OR4E2: variants seen among roughly 807,000 people sequenced by gnomAD.
OR4E2 encodes olfactory receptor 4E2.
In OR4E2, 9 loss-of-function variants were observed where a neutral mutation model predicts 11.0. The observed-to-expected ratio is 0.82, with a 90% confidence interval of 0.49 to 1.43. OR4E2 has a LOEUF of 1.43. Among genes scored for constraint, OR4E2 ranks in the 40% most tolerant of loss-of-function variants. OR4E2 has a pLI of 0.00. For synonymous variants in OR4E2, 159 were observed against 147.3 expected (o/e 1.08, Z -0.57); for missense variants, 441 against 382.0 (o/e 1.15, Z -1.29).
chr14:21,656,938 G>A (rs1414547418), intron 2 of OR4E2, among the ~76,000 whole-genome samples: 1 of 152,034 alleles, frequency 6.6e-6, no homozygotes, highest in African/African-American at 2.4e-5. Context: ...CCTAGTTATC[G>A]AACACTCCGT....
At chr14:21,655,964 A>G (rs1879917870) in intron 1 of OR4E2, among the ~76,000 whole-genome samples, 1 of 152,010 alleles carries the variant, frequency 6.6e-6, no homozygotes, top group Admixed American at 6.6e-5. Context: ...AGGATTAAAA[A>G]AAACCAAGGA....
Position 21,665,964 on chromosome 14 carries a change from A to G in OR4E2, c.882A>G (p.Val294=), listed in dbSNP as rs776017464. 8.7e-6 allele frequency: 14 copies of G among 1,614,018 alleles called. No individual in the cohort carries two copies. The East Asian group carries it at 1.8e-4, about 21-fold the overall frequency. ...PFIYTLRNEE[V]KSAMKQLRQR... Reference sequence around the variant, plus strand: ...TTTACACCTTGAGGAATGAGGAGGTAAAAAGTGCCATGAAGCAGCTCAGGC... The same window carrying G: ...TTTACACCTTGAGGAATGAGGAGGTGAAAAGTGCCATGAAGCAGCTCAGGC... The change falls in exon 4 of 4, where the codon GTA becomes GTG. Residue 294 remains valine (V), a synonymous_variant. Coordinates refer to ENST00000641524, the MANE Select transcript of OR4E2 (RefSeq NM_001001912.3).
intron 3 of OR4E2, among the ~76,000 whole-genome samples, chr14:21,664,423 C>T (rs977262793): frequency 6.6e-6 from 1 of 152,090 alleles, no homozygotes; most frequent in African/African-American, 2.4e-5. Flanking sequence ...GTTCTTTGCC[C>T]ATTTTTAATG....
At chr14:21,657,343 T>C (rs1456854880) in intron 2 of OR4E2, among the ~76,000 whole-genome samples, 1 of 123,584 alleles carries the variant, frequency 8.1e-6, no homozygotes, top group Non-Finnish European at 1.7e-5. Flanking sequence ...AAATGCTTCC[T>C]TCCTTCCTTC....
At position 21,665,256 on chromosome 14, in the gene OR4E2, C is replaced by T. The variant is rs766729701; in HGVS notation, c.174C>T (p.Pro58=). The T allele has an allele frequency of 1.2e-6, 2 of 1,614,150 alleles. No homozygotes were observed. The highest frequency in any genetic ancestry group is 1.7e-6 in the Non-Finnish European group (2 of 1,180,004). Residue 58 remains proline (P), a synonymous_variant, in exon 4 of 4, where the codon CCC becomes CCT. Coordinates refer to ENST00000641524, the MANE Select transcript of OR4E2 (RefSeq NM_001001912.3). The part of the protein sequence containing the change: ...ATVFTPSLHT[P]MYFFLSNLSF... ...TCTTTACTCCAAGTCTCCATACCCCCATGTATTTCTTCCTGAGCAATCTGT... is the reference window on the plus strand; with the variant it reads ...TCTTTACTCCAAGTCTCCATACCCCTATGTATTTCTTCCTGAGCAATCTGT...
At position 21,665,664 on chromosome 14, in the gene OR4E2, C is replaced by T. The variant is rs1880604634; in HGVS notation, c.582C>T (p.Leu194=). Residue 194 remains leucine, a synonymous_variant, in exon 4 of 4, where the codon CTC becomes CTT. Coordinates refer to ENST00000641524, the MANE Select transcript of OR4E2 (RefSeq NM_001001912.3). ...AGCTGGCCTGCACAGATACATACCTCACAGGAATACTGATTGTGACCAATA... is the reference window on the plus strand; with the variant it reads ...AGCTGGCCTGCACAGATACATACCTTACAGGAATACTGATTGTGACCAATA... The part of the protein sequence containing the change: ...VIKLACTDTY[L]TGILIVTNSG... 6.2e-7 allele frequency: 1 copy of T among 1,614,062 alleles called. No individual in the cohort carries two copies.
Position 21,665,870 on chromosome 14 carries a change from C to A in OR4E2, c.788C>A (p.Thr263Asn). ...PCIFIYTRPD[T>N]SFSIDKVVSV... is the part of the protein sequence containing the mutation. ...ATCTTCATCTATACTCGGCCAGACACCAGCTTCTCCATTGACAAGGTGGTG... is the reference window on the plus strand; with the variant it reads ...ATCTTCATCTATACTCGGCCAGACAACAGCTTCTCCATTGACAAGGTGGTG... The change falls in exon 4 of 4, where the codon ACC becomes AAC. Residue 263 changes from threonine (T) to asparagine (N), a missense_variant. Thr to Asn is a moderately conservative substitution (Grantham distance 65). Coordinates refer to ENST00000641524, the MANE Select transcript of OR4E2 (RefSeq NM_001001912.3). The A allele has an allele frequency of 1.2e-6, 2 of 1,609,012 alleles. No individual in the cohort carries two copies. Among genetic ancestry groups the A allele is most frequent in the East Asian group, 4.5e-5 (2 of 44,836 alleles).
At position 21,666,306 on chromosome 14, in the gene OR4E2, T is replaced by TG. The variant is rs999454600; in HGVS notation, c.*286dup. 9.3e-6 allele frequency: 3 copies of TG among 321,886 alleles called. No individual in the cohort carries two copies. Among genetic ancestry groups the TG allele is most frequent in the African/African-American group, 2.2e-5 (1 of 44,968 alleles). 19.9% of individuals were successfully genotyped at this position (321,886 alleles called of 1,614,324 possible). A position where few individuals can be genotyped will look rare whatever the true frequency, so the allele number is the denominator to read the frequency against. ...ATTTCATCAGTAAAAGAATACAATT[T>TG]GGGGAACTCAGTTCAGTCTCAGTTT... On this transcript the variant is annotated 3_prime_UTR_variant, in exon 4 of 4. Coordinates refer to ENST00000641524, the MANE Select transcript of OR4E2 (RefSeq NM_001001912.3).
At chr14:21,655,355 A>G (rs1267539535) in intron 1 of OR4E2, among the ~76,000 whole-genome samples, 1 of 152,224 alleles carries the variant, frequency 6.6e-6, no homozygotes, top group Non-Finnish European at 1.5e-5. Context: ...GATTTGCCAC[A>G]GACCCCTTAA....
Position 21,665,363 on chromosome 14 carries a change from T to C in OR4E2, c.281T>C (p.Phe94Ser). 1.2e-6 allele frequency: 2 copies of C among 1,614,170 alleles called. No homozygotes were observed. The highest frequency in any genetic ancestry group is 1.7e-6 in the Non-Finnish European group (2 of 1,180,032). The change falls in exon 4 of 4, where the codon TTT becomes TCT. Residue 94 changes from phenylalanine (F) to serine (S), a missense_variant. Coordinates refer to ENST00000641524, the MANE Select transcript of OR4E2 (RefSeq NM_001001912.3). ...GLLLERKTIS[F>S]DNCITQLFFL... is the part of the protein sequence containing the mutation. ...CTTTTAGAAAGAAAGACCATTTCCT[T>C]TGACAACTGCATCACACAGCTCTTC...
In OR4E2 at chr14:21,666,279, T is replaced by C. The variant is rs748971530; in HGVS notation, c.*255T>C. The C allele has an allele frequency of 2.6e-6, 1 of 380,178 alleles. No individual in the cohort carries two copies. Among genetic ancestry groups the C allele is most frequent in the Non-Finnish European group, 4.7e-6 (1 of 212,250 alleles). 23.6% of individuals were successfully genotyped at this position (380,178 alleles called of 1,614,324 possible). A position where few individuals can be genotyped will look rare whatever the true frequency, so the allele number is the denominator to read the frequency against. ...CGTGGGAAAGTTTAAAGACAGCTTT[T>C]GATTTCATCAGTAAAAGAATACAAT... On this transcript the variant is annotated 3_prime_UTR_variant, in exon 4 of 4. Coordinates refer to ENST00000641524, the MANE Select transcript of OR4E2 (RefSeq NM_001001912.3).
chr14:21,664,722 G>T (rs895493371), intron 3 of OR4E2, among the ~76,000 whole-genome samples: 1 of 152,222 alleles, frequency 6.6e-6, no homozygotes, highest in African/African-American at 2.4e-5. Flanking sequence ...GTTGGGAGTT[G>T]TATTGGAATA....
chr14:21,660,629 CTA>C (rs1384794476), intron 2 of OR4E2, 22 bp from the exon 3 acceptor site: 5 of 66,194 alleles, frequency 7.6e-5, no homozygotes, highest in African/African-American at 1.4e-4. Flanking sequence ...TTAATCTGAT[CTA>C]TTTTTTTTTT....
chr14:21,658,942 G>T (rs1428559264), intron 2 of OR4E2, among the ~76,000 whole-genome samples: 1 of 152,040 alleles, frequency 6.6e-6, no homozygotes, highest in African/African-American at 2.4e-5. Flanking sequence ...CTTAAAATGG[G>T]TAATTATTTT....
In OR4E2 at chr14:21,660,647, T is replaced by C. The variant is rs1444170980; in HGVS notation, c.-102-6T>C. 1.4e-5 allele frequency: 2 copies of C among 144,126 alleles called. No homozygotes were observed. Among genetic ancestry groups the C allele is most frequent in the African/African-American group, 5.2e-5 (2 of 38,480 alleles). 8.9% of individuals were successfully genotyped at this position (144,126 alleles called of 1,614,324 possible). A position where few individuals can be genotyped will look rare whatever the true frequency, so the allele number is the denominator to read the frequency against. On this transcript the variant is annotated splice_region_variant and splice_polypyrimidine_tract_variant and intron_variant, in intron 2 of 3. Transcript: ENST00000641524. ...ATCTGATCTATTTTTTTTTTTTTTT[T>C]TAAAGATGGCATCTCGCTGTGCTGC...
At position 21,660,118 on chromosome 14, in the gene OR4E2, G is replaced by A. The variant is rs74765418; in HGVS notation, c.-102-535G>A. ...GGAAGACAAATTTTTCCATGGACTG[G>A]GGGTGGGGGCGATTGGTTTCAGGAT... On this transcript the variant is annotated intron_variant, in intron 2 of 3. Coordinates refer to ENST00000641524, the MANE Select transcript of OR4E2 (RefSeq NM_001001912.3). 1.5e-3 allele frequency among the ~76,000 whole-genome samples: 224 copies of A among 152,138 alleles called. 1 individual carries two copies. Among genetic ancestry groups the A allele is most frequent in the Non-Finnish European group, 2.6e-3 (177 of 67,998 alleles).
Position 21,665,396 on chromosome 14 carries a change from A to C in OR4E2, c.314A>C (p.His105Pro). Reference protein sequence around the residue: ...DNCITQLFFLHLFACAEIFLL... With the variant: ...DNCITQLFFLPLFACAEIFLL... Reference sequence around the variant, plus strand: ...TGCATCACACAGCTCTTCTTCCTACATCTCTTTGCCTGTGCCGAGATCTTT... The same window carrying C: ...TGCATCACACAGCTCTTCTTCCTACCTCTCTTTGCCTGTGCCGAGATCTTT... Residue 105 changes from histidine (H) to proline (P), a missense_variant, in exon 4 of 4, where the codon CAT (histidine) becomes CCT (proline). Coordinates refer to ENST00000641524, the MANE Select transcript of OR4E2 (RefSeq NM_001001912.3). The C allele has an allele frequency of 1.2e-6, 2 of 1,613,972 alleles. No individual in the cohort carries two copies. The highest frequency in any genetic ancestry group is 1.7e-6 in the Non-Finnish European group (2 of 1,179,982).
In OR4E2 at chr14:21,665,737, A is replaced by G; in HGVS notation, c.655A>G (p.Met219Val). The change falls in exon 4 of 4, where the codon ATG becomes GTG. Residue 219 changes from methionine to valine, a missense_variant. Met to Val is a conservative substitution (Grantham distance 21, BLOSUM62 1). Transcript: ENST00000641524. Reference protein sequence around the residue: ...SCFLAVVTSYMVILVSLRKHS... With the variant: ...SCFLAVVTSYVVILVSLRKHS... Reference sequence around the variant, plus strand: ...TTTCTTGGCCGTGGTCACCTCCTATATGGTCATCCTGGTTTCTCTTCGAAA... The same window carrying G: ...TTTCTTGGCCGTGGTCACCTCCTATGTGGTCATCCTGGTTTCTCTTCGAAA... The G allele has an allele frequency of 6.2e-7, 1 of 1,613,960 alleles. No homozygotes were observed. The highest frequency in any genetic ancestry group is 8.5e-7 in the Non-Finnish European group (1 of 1,180,000).
chr14:21,655,570 C>T (rs10149764), intron 1 of OR4E2, among the ~76,000 whole-genome samples: 128,731 of 152,064 alleles, frequency 0.85, 54,670 homozygotes, highest in Non-Finnish European at 0.87. Context: ...CCACTGGGAA[C>T]GCTGAAGTGG....
Sources: gnomAD v4.1 joint callset for allele counts (sites outside exome capture counted in the v4.1 genomes callset) on GRCh38, gnomAD v4.1.1 for gene constraint, MANE v1.5 for transcripts, NCBI Gene and HGNC (gene_info 2026-07-23, HGNC 2026-07-21) for gene names.